The following RAB8B variants were observed in gnomAD, a reference collection of about 807,000 sequenced individuals.
The protein encoded by RAB8B is RAB8B, member RAS oncogene family.
Under a neutral mutation model 32.0 loss-of-function variants are expected in RAB8B, and 11 were observed. That is an observed-to-expected ratio of 0.34 (90% CI 0.22 to 0.57). The LOEUF (loss-of-function observed/expected upper bound fraction) is 0.57. RAB8B is among the 20% of genes least tolerant of loss of function. RAB8B has a pLI of 0.86. For missense variants in RAB8B, 190 were observed against 258.5 expected (o/e 0.73, Z 1.82); for synonymous variants, 103 against 89.6 (o/e 1.15, Z -0.85).
chr15:63,261,704 G>A (rs527863344), intron 6 of RAB8B, among the ~76,000 whole-genome samples: 1 of 152,328 alleles, frequency 6.6e-6, no homozygotes, highest in East Asian at 1.9e-4. Flanking sequence ...AGTAATAATA[G>A]TAGTTGTCGT....
intron 1 of RAB8B, among the ~76,000 whole-genome samples, chr15:63,233,055 C>CTTTTTTTTTTTTTTTTTTT (rs752891283): frequency 7.1e-6 from 1 of 141,514 alleles, no homozygotes; most frequent in Non-Finnish European, 1.5e-5. Flanking sequence ...AAGTAGCATT[C>CTTTTTTTTTTTTTTTTTTT]TTTTTTTTTT....
intron 1 of RAB8B, among the ~76,000 whole-genome samples, chr15:63,190,830 C>T (rs2037549924): frequency 6.6e-6 from 1 of 152,158 alleles, no homozygotes; most frequent in Non-Finnish European, 1.5e-5. Flanking sequence ...TTCTACCTGC[C>T]TCCCTGTATA....
chr15:63,241,596 A>G (rs2038032475), intron 1 of RAB8B, among the ~76,000 whole-genome samples: 1 of 152,236 alleles, frequency 6.6e-6, no homozygotes, highest in African/African-American at 2.4e-5. Flanking sequence ...CTCCATACCT[A>G]TTAAACAACT....
chr15:63,198,806 G>A (rs1001116021), intron 1 of RAB8B, among the ~76,000 whole-genome samples: 7 of 152,178 alleles, frequency 4.6e-5, no homozygotes, highest in East Asian at 3.9e-4. Flanking sequence ...TTGTAAATTC[G>A]TTTCTTATGC....
chr15:63,228,631 T>C (rs910424967), intron 1 of RAB8B, among the ~76,000 whole-genome samples: 1 of 152,210 alleles, frequency 6.6e-6, no homozygotes, highest in Non-Finnish European at 1.5e-5. Flanking sequence ...GAGGAACATA[T>C]TTGTCTGGGC....
chr15:63,192,280 A>T (rs1463065309), intron 1 of RAB8B, among the ~76,000 whole-genome samples: 1 of 152,248 alleles, frequency 6.6e-6, no homozygotes, highest in Non-Finnish European at 1.5e-5. Context: ...TGGGAAAATA[A>T]GGTGAATGTT....
chr15:63,222,237 G>A (rs1267409405), intron 1 of RAB8B, among the ~76,000 whole-genome samples: 1 of 152,152 alleles, frequency 6.6e-6, no homozygotes, highest in Admixed American at 6.5e-5. Context: ...TATGTCTTCA[G>A]TTCCTATAAC....
intron 1 of RAB8B, among the ~76,000 whole-genome samples, chr15:63,227,493 G>A (rs184337322): frequency 2.4e-4 from 37 of 152,312 alleles, no homozygotes. Context: ...GGCAGAAACG[G>A]GGTAAATGAA....
At chr15:63,214,931 A>G (rs1222772798) in intron 1 of RAB8B, among the ~76,000 whole-genome samples, 1 of 152,226 alleles carries the variant, frequency 6.6e-6, no homozygotes, top group African/African-American at 2.4e-5. Context: ...TGAGTAGGGC[A>G]TCTACAGCTC....
chr15:63,224,428 A>G (rs2141123817), intron 1 of RAB8B, among the ~76,000 whole-genome samples: 1 of 152,304 alleles, frequency 6.6e-6, no homozygotes, highest in Middle Eastern at 3.4e-3. Flanking sequence ...CATGAGTGTC[A>G]CAGTCCCTGT....
At chr15:63,231,234 T>C (rs2141128304) in intron 1 of RAB8B, among the ~76,000 whole-genome samples, 1 of 152,368 alleles carries the variant, frequency 6.6e-6, no homozygotes, top group East Asian at 1.9e-4. Context: ...ATATCATTTG[T>C]TTTTAGTTAG....
chr15:63,216,377 C>T (rs1373720059), intron 1 of RAB8B, among the ~76,000 whole-genome samples: 1 of 151,318 alleles, frequency 6.6e-6, no homozygotes, highest in African/African-American at 2.4e-5. Flanking sequence ...TACAGGCGCA[C>T]ACCATAACAC....
At chr15:63,204,397 G>A (rs527497191) in intron 1 of RAB8B, among the ~76,000 whole-genome samples, 1 of 152,250 alleles carries the variant, frequency 6.6e-6, no homozygotes, top group South Asian at 2.1e-4. Flanking sequence ...TCCAGTTGCT[G>A]CAGACTCTCA....
intron 1 of RAB8B, among the ~76,000 whole-genome samples, chr15:63,240,259 C>A (rs2038021133): frequency 6.6e-6 from 1 of 152,112 alleles, no homozygotes; most frequent in African/African-American, 2.4e-5. Context: ...GATGTTGGCA[C>A]AGTATCCTGG....
intron 1 of RAB8B, among the ~76,000 whole-genome samples, chr15:63,235,882 C>G (rs1394729034): frequency 1.3e-5 from 2 of 152,038 alleles, no homozygotes; most frequent in Non-Finnish European, 2.9e-5. Context: ...CCAAGGCATT[C>G]TCCAGTTGGT....
Position 63,263,785 on chromosome 15 carries a change from T to C in RAB8B, c.*166T>C. 1.9e-6 allele frequency: 1 copy of C among 521,866 alleles called. No individual in the cohort carries two copies. Among genetic ancestry groups the C allele is most frequent in the Non-Finnish European group, 3.4e-6 (1 of 294,600 alleles). 32.3% of individuals were successfully genotyped at this position (521,866 alleles called of 1,614,324 possible). A position where few individuals can be genotyped will look rare whatever the true frequency, so the allele number is the denominator to read the frequency against. On this transcript the variant is annotated 3_prime_UTR_variant, in exon 8 of 8. Transcript: ENST00000321437. ...CCAAGTGGATTCCAGCCTCATGGCCTAGCAAAAGAACAGACTCCCTTTTTC... is the reference window on the plus strand; with the variant it reads ...CCAAGTGGATTCCAGCCTCATGGCCCAGCAAAAGAACAGACTCCCTTTTTC...
chr15:63,223,137 A>C (rs2037858813), intron 1 of RAB8B: 1 of 440,686 alleles, frequency 2.3e-6, no homozygotes, highest in African/African-American at 2.0e-5. Flanking sequence ...TTTGAGACGG[A>C]ATCTTGCTCT....
At chr15:63,256,015 C>G (rs914822963) in intron 4 of RAB8B, among the ~76,000 whole-genome samples, 3 of 152,178 alleles carry the variant, frequency 2.0e-5, no homozygotes, top group African/African-American at 7.2e-5. Context: ...TTTTCTCCAT[C>G]TTAGATATTT....
chr15:63,231,548 C>T (rs2037937301), intron 1 of RAB8B, among the ~76,000 whole-genome samples: 1 of 151,328 alleles, frequency 6.6e-6, no homozygotes, highest in Non-Finnish European at 1.5e-5. Context: ...GTATTCACCT[C>T]ACCCTTAAAT....
Sources: gnomAD v4.1 joint callset for allele counts (sites outside exome capture counted in the v4.1 genomes callset) on GRCh38, gnomAD v4.1.1 for gene constraint, MANE v1.5 for transcripts, NCBI Gene and HGNC (gene_info 2026-07-23, HGNC 2026-07-21) for gene names.